TAFA1: variants seen among roughly 807,000 people sequenced by gnomAD.
The protein encoded by TAFA1 is chemokine-like protein TAFA-1.
Under a neutral mutation model 18.5 loss-of-function variants are expected in TAFA1, and 4 were observed. The ratio of observed to expected loss-of-function variants is 0.22; its 90% CI spans 0.11 to 0.49. The LOEUF is 0.49. Among genes scored for constraint, TAFA1 ranks in the 20% least tolerant of loss-of-function variants. TAFA1 has a pLI of 0.98. For synonymous variants in TAFA1, 56 were observed against 55.2 expected (o/e 1.01, Z -0.06); for missense variants, 147 against 169.0 (o/e 0.87, Z 0.72).
chr3:68,233,444 T>C (rs1174731611), intron 2 of TAFA1, among the ~76,000 whole-genome samples: 1 of 152,176 alleles, frequency 6.6e-6, no homozygotes, highest in Non-Finnish European at 1.5e-5. Flanking sequence ...TTGAAGTAAA[T>C]ACATGGATTT....
intron 3 of TAFA1, among the ~76,000 whole-genome samples, chr3:68,444,149 G>A (rs1452005308): frequency 6.6e-6 from 1 of 152,088 alleles, no homozygotes; most frequent in East Asian, 1.9e-4. Context: ...CCACCTTGGA[G>A]CTCCATAGCT....
intron 2 of TAFA1, among the ~76,000 whole-genome samples, chr3:68,404,171 T>G (rs1374746077): frequency 1.3e-5 from 2 of 152,182 alleles, no homozygotes; most frequent in African/African-American, 4.8e-5. Flanking sequence ...ATGATTTTCC[T>G]GAGATAAATC....
intron 3 of TAFA1, among the ~76,000 whole-genome samples, chr3:68,432,859 T>A (rs528713228): frequency 5.9e-5 from 9 of 151,978 alleles, no homozygotes; most frequent in Non-Finnish European, 5.9e-5. Flanking sequence ...GCACATTAGG[T>A]ACAGGTTGAC....
intron 2 of TAFA1, among the ~76,000 whole-genome samples, chr3:68,302,065 T>C (rs2068311690): frequency 6.6e-6 from 1 of 152,214 alleles, no homozygotes; most frequent in Non-Finnish European, 1.5e-5. Flanking sequence ...TGATGAAATA[T>C]TATATAAGTA....
At chr3:68,410,682 A>G (rs1232680012) in intron 2 of TAFA1, among the ~76,000 whole-genome samples, 2 of 149,300 alleles carry the variant, frequency 1.3e-5, no homozygotes, top group Non-Finnish European at 3.0e-5. Flanking sequence ...GTGAAATCCA[A>G]AAAAGAGACC....
intron 2 of TAFA1, among the ~76,000 whole-genome samples, chr3:68,090,991 A>G (rs928021202): frequency 5.3e-5 from 8 of 152,230 alleles, no homozygotes; most frequent in African/African-American, 9.6e-5. Flanking sequence ...GCTAAGTATT[A>G]GGAGAGCACT....
At chr3:68,084,080 G>C (rs1212819784) in intron 2 of TAFA1, among the ~76,000 whole-genome samples, 4 of 152,056 alleles carry the variant, frequency 2.6e-5, no homozygotes, top group Non-Finnish European at 4.4e-5. Context: ...CTGGCTAATT[G>C]GCTGGGTACC....
chr3:68,517,261 A>G (rs1336713036), intron 3 of TAFA1, among the ~76,000 whole-genome samples: 2 of 152,182 alleles, frequency 1.3e-5, no homozygotes, highest in Non-Finnish European at 2.9e-5. Flanking sequence ...TTATTGTTGT[A>G]TTTATTTTTA....
chr3:68,482,007 T>G (rs2072246330), intron 3 of TAFA1, among the ~76,000 whole-genome samples: 1 of 152,136 alleles, frequency 6.6e-6, no homozygotes, highest in Admixed American at 6.5e-5. Context: ...CAGCATACTT[T>G]CTTTTTTTTG....
intron 2 of TAFA1, among the ~76,000 whole-genome samples, chr3:68,118,840 T>C (rs1426294910): frequency 6.6e-6 from 1 of 152,188 alleles, no homozygotes; most frequent in African/African-American, 2.4e-5. Flanking sequence ...TGAACACAGA[T>C]GTATAAATAT....
At chr3:68,249,569 A>C (rs2067152138) in intron 2 of TAFA1, among the ~76,000 whole-genome samples, 1 of 152,112 alleles carries the variant, frequency 6.6e-6, no homozygotes, top group Non-Finnish European at 1.5e-5. Flanking sequence ...TAAAAGGGGA[A>C]TGGCTGCTCA....
chr3:68,484,145 AAATTATT>A (rs2072291417), intron 3 of TAFA1, among the ~76,000 whole-genome samples: 1 of 152,204 alleles, frequency 6.6e-6, no homozygotes, highest in Non-Finnish European at 1.5e-5. Context: ...ATCAATATAA[AAATTATT>A]AACGAGTTAT....
chr3:68,218,307 G>A (rs1328475972), intron 2 of TAFA1, among the ~76,000 whole-genome samples: 5 of 152,120 alleles, frequency 3.3e-5, no homozygotes, highest in Middle Eastern at 3.4e-3. Context: ...CATTTTTATA[G>A]CATGTTTTGA....
At chr3:68,388,242 A>G (rs778838244) in intron 2 of TAFA1, among the ~76,000 whole-genome samples, 1 of 152,178 alleles carries the variant, frequency 6.6e-6, no homozygotes, top group Non-Finnish European at 1.5e-5. Context: ...TAGTATCACT[A>G]GATGTGAACT....
At chr3:68,058,407 G>A (rs1301775282) in intron 2 of TAFA1, among the ~76,000 whole-genome samples, 1 of 152,132 alleles carries the variant, frequency 6.6e-6, no homozygotes, top group Non-Finnish European at 1.5e-5. Flanking sequence ...ATTTTGTGAT[G>A]ATCTCAGTTT....
At chr3:68,090,309 C>G (rs114268701) in intron 2 of TAFA1, among the ~76,000 whole-genome samples, 2 of 152,130 alleles carry the variant, frequency 1.3e-5, no homozygotes, top group African/African-American at 2.4e-5. Flanking sequence ...AGCGAGATCA[C>G]GTGTACCCTT....
chr3:68,382,138 C>T (rs1053712736), intron 2 of TAFA1, among the ~76,000 whole-genome samples: 4 of 152,130 alleles, frequency 2.6e-5, no homozygotes, highest in African/African-American at 7.2e-5. Flanking sequence ...CCCACTTGGT[C>T]GTGTTGGATA....
At chr3:68,402,727 G>A (rs1391879997) in intron 2 of TAFA1, among the ~76,000 whole-genome samples, 1 of 152,204 alleles carries the variant, frequency 6.6e-6, no homozygotes, top group Non-Finnish European at 1.5e-5. Context: ...ACAAGGGCCA[G>A]ACTCTTGGCT....
intron 2 of TAFA1, among the ~76,000 whole-genome samples, chr3:68,070,741 T>C (rs969392665): frequency 2.0e-5 from 3 of 152,202 alleles, no homozygotes; most frequent in Admixed American, 2.0e-4. Context: ...AATTTCTTCC[T>C]CCAGATAACC....
Sources: gnomAD v4.1 joint callset for allele counts (sites outside exome capture counted in the v4.1 genomes callset) on GRCh38, gnomAD v4.1.1 for gene constraint, MANE v1.5 for transcripts, NCBI Gene and HGNC (gene_info 2026-07-23, HGNC 2026-07-21) for gene names.